KLHL3: variants seen among roughly 807,000 people sequenced by gnomAD.
KLHL3 encodes kelch-like protein 3.
KLHL3 carries 19 observed loss-of-function variants against 70.5 expected under a neutral mutation model. That is an observed-to-expected ratio of 0.27 (90% CI 0.19 to 0.40). The LOEUF is 0.40. Ranked by LOEUF, KLHL3 falls within the 10% of genes least tolerant of loss-of-function variation. KLHL3 has a pLI of 1.00. For missense variants in KLHL3, 512 were observed against 771.1 expected, an observed-to-expected ratio of 0.66 and a Z score of 3.98; for synonymous variants, 258 against 290.3, an observed-to-expected ratio of 0.89 and a Z score of 1.13.
At chr5:137,721,985 G>T (rs573236802) in intron 1 of KLHL3, among the ~76,000 whole-genome samples, 141 of 152,294 alleles carry the variant, frequency 9.3e-4, no homozygotes, top group African/African-American at 3.1e-3. Flanking sequence ...TGGAGTTACC[G>T]GTTTGATCTA....
At position 137,698,308 on chromosome 5, in the gene KLHL3, C is replaced by G; in HGVS notation, c.342G>C (p.Glu114Asp). ...TTACCTGGACATTCTCTTCAGTCAC[C>G]TCGATTTCAGCAGTATAGATGTAGT... ...LIDYIYTAEI[E>D]VTEENVQVLL... is the part of the protein sequence containing the mutation. The change falls in exon 4 of 15, where the codon GAG becomes GAC. Residue 114 changes from glutamate (E) to aspartate (D), a missense_variant. By Grantham distance (45) the Glu-to-Asp change is conservative. Transcript: ENST00000309755. The G allele has an allele frequency of 6.2e-7, 1 of 1,614,160 alleles. No homozygotes were observed. Among genetic ancestry groups the G allele is most frequent in the Non-Finnish European group, 8.5e-7 (1 of 1,179,998 alleles).
At chr5:137,678,863 T>C (rs1261662814) in intron 5 of KLHL3, among the ~76,000 whole-genome samples, 1 of 152,126 alleles carries the variant, frequency 6.6e-6, no homozygotes, top group Admixed American at 6.5e-5. Flanking sequence ...CCTATTGATA[T>C]TACTATGGTC....
At chr5:137,702,612 T>C (rs904464933) in intron 3 of KLHL3, among the ~76,000 whole-genome samples, 3 of 152,132 alleles carry the variant, frequency 2.0e-5, no homozygotes, top group Non-Finnish European at 4.4e-5. Context: ...TTTAAGCAGG[T>C]AAGGGATACA....
At chr5:137,705,939 C>T in intron 3 of KLHL3, 1 of 832,886 alleles carries the variant, frequency 1.2e-6, no homozygotes, top group Non-Finnish European at 1.4e-6. Flanking sequence ...CTACTGGCCT[C>T]CCCACTCAAG....
At chr5:137,676,651 C>G (rs1751891068) in intron 6 of KLHL3, among the ~76,000 whole-genome samples, 1 of 152,158 alleles carries the variant, frequency 6.6e-6, no homozygotes, top group South Asian at 2.1e-4. Context: ...CATATATTAT[C>G]CCAATTAATT....
At position 137,617,995 on chromosome 5, in the gene KLHL3, C is replaced by T. The variant is rs1468571443; in HGVS notation, c.*4103G>A. ...TTCCTGCCATGGCTGATGCTATATC[C>T]ATGAGTCACTGAGTCCCATGACGAA... On this transcript the variant is annotated 3_prime_UTR_variant, in exon 15 of 15. Transcript: ENST00000309755. 2 of 152,578 alleles carry T rather than the reference C, an allele frequency of 1.3e-5. No individual in the cohort carries two copies. The highest frequency in any genetic ancestry group is 2.9e-5 in the Non-Finnish European group (2 of 68,048). 9.5% of individuals were successfully genotyped at this position (152,578 alleles called of 1,614,324 possible).
intron 6 of KLHL3, among the ~76,000 whole-genome samples, chr5:137,675,607 G>A (rs958368513): frequency 6.6e-6 from 1 of 152,168 alleles, no homozygotes; most frequent in South Asian, 2.1e-4. Flanking sequence ...AGAAAGCAGA[G>A]ACTAGAACCA....
At chr5:137,717,474 G>A (rs944483039) in intron 2 of KLHL3, among the ~76,000 whole-genome samples, 3 of 151,646 alleles carry the variant, frequency 2.0e-5, no homozygotes, top group Non-Finnish European at 4.4e-5. Flanking sequence ...AGGTTGCAAT[G>A]AGCCGAGATC....
chr5:137,628,262 A>T (rs1202770038), intron 13 of KLHL3, 35 bp downstream of exon 13: 1 of 1,611,430 alleles, frequency 6.2e-7, no homozygotes, highest in East Asian at 2.2e-5. Context: ...AAGGCACACA[A>T]CCCCCAAAGG....
intron 7 of KLHL3, among the ~76,000 whole-genome samples, chr5:137,658,555 C>T (rs780549376): frequency 6.6e-6 from 1 of 152,210 alleles, no homozygotes; most frequent in Non-Finnish European, 1.5e-5. Flanking sequence ...AAGGTATCTA[C>T]AACCTCACTA....
At chr5:137,671,693 CA>C (rs1406068113) in intron 6 of KLHL3, 1 of 152,180 alleles carries the variant, frequency 6.6e-6, no homozygotes, top group Non-Finnish European at 1.5e-5. Context: ...TCATGCTGGA[CA>C]GGAAAAAATC....
chr5:137,622,009 C>T lies in KLHL3; in HGVS notation c.*89G>A. 2 of 1,401,364 alleles carry T rather than the reference C, an allele frequency of 1.4e-6. No individual in the cohort carries two copies. The highest frequency in any genetic ancestry group is 1.2e-5 in the South Asian group (1 of 86,624). The allele number at this position is 1,401,364 out of a possible 1,614,324, so 86.8% of individuals were successfully genotyped here. On this transcript the variant is annotated 3_prime_UTR_variant, in exon 15 of 15. Transcript: ENST00000309755. ...TCACAGCAGCACAGACCCTCCCAAGCAAGTTGAATCCAGTCACCAAGGTCC... is the reference window on the plus strand; with the variant it reads ...TCACAGCAGCACAGACCCTCCCAAGTAAGTTGAATCCAGTCACCAAGGTCC...
chr5:137,671,122 C>T (rs1037350176), intron 6 of KLHL3, among the ~76,000 whole-genome samples: 1 of 152,172 alleles, frequency 6.6e-6, no homozygotes, highest in Non-Finnish European at 1.5e-5. Context: ...ACCCCACTCC[C>T]AGCCTCATTT....
intron 3 of KLHL3, among the ~76,000 whole-genome samples, chr5:137,702,252 C>G (rs1400127026): frequency 2.0e-5 from 1 of 49,912 alleles, no homozygotes; most frequent in Non-Finnish European, 3.5e-5. Flanking sequence ...GATGAGCACA[C>G]AAGAGCACCA....
At chr5:137,648,133 C>A (rs1751102583) in intron 8 of KLHL3, among the ~76,000 whole-genome samples, 1 of 152,120 alleles carries the variant, frequency 6.6e-6, no homozygotes, top group Non-Finnish European at 1.5e-5. Context: ...TACTATGAAC[C>A]TGTGAGGGAG....
At chr5:137,677,199 C>A (rs1192190832) in intron 6 of KLHL3, among the ~76,000 whole-genome samples, 1 of 152,110 alleles carries the variant, frequency 6.6e-6, no homozygotes, top group Admixed American at 6.5e-5. Flanking sequence ...GTCATCCCAG[C>A]ATTTTGGGAG....
intron 10 of KLHL3, among the ~76,000 whole-genome samples, chr5:137,637,637 T>C (rs1561585527): frequency 1.3e-5 from 2 of 152,186 alleles, no homozygotes; most frequent in East Asian, 3.8e-4. Flanking sequence ...AAGGGGTGTG[T>C]CTGAAATGCA....
At chr5:137,677,504 G>A in intron 6 of KLHL3, 41 bp downstream of exon 6, 1 of 1,183,216 alleles carries the variant, frequency 8.5e-7, no homozygotes, top group Non-Finnish European at 1.2e-6. Context: ...ATGACCACCT[G>A]ACGAGTGAGG....
At chr5:137,669,013 A>C (rs1189959034) in intron 6 of KLHL3, among the ~76,000 whole-genome samples, 1 of 152,112 alleles carries the variant, frequency 6.6e-6, no homozygotes, top group Admixed American at 6.5e-5. Flanking sequence ...TTCACACAAC[A>C]CTTAAAAGCT....
Sources: allele counts gnomAD v4.1 joint callset (sites outside exome capture counted in the v4.1 genomes callset), GRCh38; gene constraint gnomAD v4.1.1; transcripts MANE v1.5; gene names NCBI Gene and HGNC (gene_info 2026-07-23, HGNC 2026-07-21).